The following TAF2 variants were observed in gnomAD, a reference collection of about 807,000 sequenced individuals.
The protein encoded by TAF2 is TATA-box binding protein associated factor 2.
In TAF2, 61 loss-of-function variants were observed where a neutral mutation model predicts 138.5. The observed-to-expected ratio is 0.44, with a 90% CI of 0.36 to 0.54. The LOEUF (loss-of-function observed/expected upper bound fraction) is 0.54, where lower values mean the gene tolerates loss of function less well. TAF2 is among the 20% of genes least tolerant of loss of function. The probability of loss-of-function intolerance (pLI) is 0.00; values close to 1 mark genes in which losing one functional copy is unlikely to be tolerated. For synonymous variants in TAF2, 475 were observed against 469.9 expected (o/e 1.01, Z -0.14); for missense variants, 1,090 against 1,427.9 (o/e 0.76, Z 3.81).
chr8:119,781,465 G>A (rs992023049), intron 16 of TAF2, among the ~76,000 whole-genome samples: 3 of 152,078 alleles, frequency 2.0e-5, no homozygotes. Flanking sequence ...ATCACCTGAG[G>A]TCAGGAGTTC....
intron 9 of TAF2, 26 bp from the exon 10 acceptor site, chr8:119,793,477 C>A: frequency 6.4e-7 from 1 of 1,566,142 alleles, no homozygotes; most frequent in South Asian, 1.1e-5. Flanking sequence ...AAATAGGAGT[C>A]AGTAAAATTT....
At chr8:119,754,061 T>A (rs1200296149) in intron 22 of TAF2, among the ~76,000 whole-genome samples, 1 of 152,024 alleles carries the variant, frequency 6.6e-6, no homozygotes, top group African/African-American at 2.4e-5. Context: ...AGAAAAAAAA[T>A]TAGCAATATT....
intron 2 of TAF2, among the ~76,000 whole-genome samples, chr8:119,821,380 G>A (rs1306520496): frequency 6.6e-6 from 1 of 152,136 alleles, no homozygotes; most frequent in Non-Finnish European, 1.5e-5. Flanking sequence ...TTTCCCCTGT[G>A]CTTTTCAACC....
At chr8:119,822,748 C>T (rs1825871024) in intron 2 of TAF2, among the ~76,000 whole-genome samples, 1 of 152,150 alleles carries the variant, frequency 6.6e-6, no homozygotes, top group Admixed American at 6.5e-5. Context: ...AATGCCTCTC[C>T]TCACCCCTCT....
intron 18 of TAF2, among the ~76,000 whole-genome samples, chr8:119,763,114 GGAA>G (rs1475648928): frequency 1.3e-5 from 2 of 152,128 alleles, no homozygotes; most frequent in Non-Finnish European, 2.9e-5. Context: ...CCAAGAGACT[GGAA>G]GAAGACTATC....
chr8:119,760,441 A>T, intron 20 of TAF2, 158 bp downstream of exon 20: 1 of 827,040 alleles, frequency 1.2e-6, no homozygotes, highest in Non-Finnish European at 1.8e-6. Context: ...TCTTATGTGA[A>T]TTCTACATTT....
At position 119,819,419 on chromosome 8, in the gene TAF2, T is replaced by C. The variant is rs752108413; in HGVS notation, c.226A>G (p.Arg76Gly). The change falls in exon 3 of 26, where the codon AGG becomes GGG. Residue 76 changes from arginine to glycine, a missense_variant. Around this residue, in one of 3 missense-constraint regions of TAF2, gnomAD observed 504 missense variants for 680.9 expected, o/e 0.74. Coordinates refer to ENST00000378164, the MANE Select transcript of TAF2 (RefSeq NM_003184.4). Reference protein sequence around the residue: ...NSKQCRIYRVRINDLEAAFIY... With the variant: ...NSKQCRIYRVGINDLEAAFIY... ...AAAGCAGCCTCTAAATCATTGATCC[T>C]TACTCGGTATATTCTACACTGTTTG... The C allele has an allele frequency of 2.5e-6, 4 of 1,612,766 alleles. No homozygotes were observed. Among genetic ancestry groups the C allele is most frequent in the Non-Finnish European group, 2.5e-6 (3 of 1,179,586 alleles).
intron 22 of TAF2, among the ~76,000 whole-genome samples, chr8:119,748,010 G>A (rs924300587): frequency 2.0e-5 from 3 of 152,058 alleles, no homozygotes; most frequent in African/African-American, 7.2e-5. Flanking sequence ...TGTAATCCCA[G>A]CTACTTGGCT....
rs114451859 is a variant in TAF2, at chr8:119,748,609, G to A, written c.2879-1675C>T. Reference sequence around the variant, plus strand: ...ATAGTAAAAGCAAGAATTTTACACTGGAAACCCATTTTCCCTTCCTGGAAT... The same window carrying A: ...ATAGTAAAAGCAAGAATTTTACACTAGAAACCCATTTTCCCTTCCTGGAAT... On this transcript the variant is annotated intron_variant, in intron 22 of 25. Transcript: ENST00000378164. Among the ~76,000 whole-genome samples, 1,390 of 152,128 alleles carry A rather than the reference G, an allele frequency of 9.1e-3. 20 individuals carry two copies. The highest frequency in any genetic ancestry group is 0.032 in the African/African-American group (1,325 of 41,490).
At chr8:119,768,925 C>T (rs866939471) in intron 18 of TAF2, among the ~76,000 whole-genome samples, 15 of 152,232 alleles carry the variant, frequency 9.9e-5, no homozygotes, top group African/African-American at 3.1e-4. Flanking sequence ...TGGAGACAGA[C>T]GACAGTGTGC....
At chr8:119,783,227 C>A (rs559468034) in intron 16 of TAF2, among the ~76,000 whole-genome samples, 154 bp downstream of exon 16, 28 of 152,210 alleles carry the variant, frequency 1.8e-4, no homozygotes, top group Non-Finnish European at 3.1e-4. Context: ...ATGTTTCTTT[C>A]AAAACAGTCC....
intron 3 of TAF2, among the ~76,000 whole-genome samples, chr8:119,815,079 C>T (rs1825363575): frequency 6.6e-6 from 1 of 150,634 alleles, no homozygotes; most frequent in Non-Finnish European, 1.5e-5. Flanking sequence ...GTCATGAGTT[C>T]GAGACTAACC....
In TAF2 at chr8:119,745,093, A is replaced by G. The variant is rs1819866241; in HGVS notation, c.3109-700T>C. On this transcript the variant is annotated intron_variant, in intron 23 of 25. Coordinates refer to ENST00000378164, the MANE Select transcript of TAF2 (RefSeq NM_003184.4). ...TCTGAAGACGAGTAGCTCATATTAT[A>G]GCTGAAAACTAATAGCTATAGCAAC... 8.8e-6 allele frequency: 4 copies of G among 452,906 alleles called. No individual in the cohort carries two copies. The Admixed American group carries it at 9.4e-5, about 11-fold the overall frequency. 28.1% of individuals were successfully genotyped at this position (452,906 alleles called of 1,614,324 possible).
chr8:119,766,636 A>C (rs1487880364), intron 18 of TAF2, among the ~76,000 whole-genome samples: 1 of 151,616 alleles, frequency 6.6e-6, no homozygotes, highest in Non-Finnish European at 1.5e-5. Context: ...CTAAACATAC[A>C]AAAATTAGCT....
At chr8:119,741,705 A>G (rs1819611100) in intron 25 of TAF2, among the ~76,000 whole-genome samples, 1 of 152,244 alleles carries the variant, frequency 6.6e-6, no homozygotes, top group South Asian at 2.1e-4. Context: ...AGATAAAAAC[A>G]TAATTTATAT....
rs920987985 is a variant in TAF2, at chr8:119,832,826, C to A, written c.-262G>T. ...GCTCGAAGCTACCATCCGCCGACAT[C>A]TTGTCTGTAACCTCTGACCTCCGAC... On this transcript the variant is annotated 5_prime_UTR_variant, in exon 1 of 26. Coordinates refer to ENST00000378164, the MANE Select transcript of TAF2 (RefSeq NM_003184.4). 6.7e-6 allele frequency: 3 copies of A among 450,956 alleles called. No homozygotes were observed. The highest frequency in any genetic ancestry group is 1.2e-5 in the Non-Finnish European group (3 of 253,010). 27.9% of individuals were successfully genotyped at this position (450,956 alleles called of 1,614,324 possible).
Position 119,803,862 on chromosome 8 carries a change from A to C in TAF2, c.560+16T>G. On this transcript the variant is annotated intron_variant, in intron 5 of 25. Coordinates refer to ENST00000378164, the MANE Select transcript of TAF2 (RefSeq NM_003184.4). ...ATTTAAAAATTAATTGAAATATTTA[A>C]GAATCTATAATCTACCTTGTAGAAT... is the stretch of plus-strand genomic sequence containing the variant. 1.9e-6 allele frequency: 3 copies of C among 1,599,386 alleles called. No individual in the cohort carries two copies. Among genetic ancestry groups the C allele is most frequent in the Non-Finnish European group, 2.6e-6 (3 of 1,173,790 alleles).
chr8:119,766,248 C>G (rs1053392370), intron 18 of TAF2, among the ~76,000 whole-genome samples: 2 of 152,150 alleles, frequency 1.3e-5, no homozygotes, highest in African/African-American at 4.8e-5. Flanking sequence ...GTCAGACTTT[C>G]TGGCAATGTC....
intron 18 of TAF2, among the ~76,000 whole-genome samples, chr8:119,771,981 C>A (rs1821873117): frequency 6.6e-6 from 1 of 152,042 alleles, no homozygotes; most frequent in Non-Finnish European, 1.5e-5. Context: ...TCAAAAATAT[C>A]AAGTATCTTC....
Sources: allele counts gnomAD v4.1 joint callset (sites outside exome capture counted in the v4.1 genomes callset), GRCh38; gene constraint gnomAD v4.1.1; regional missense constraint gnomAD v4.1.1; transcripts MANE v1.5; gene names NCBI Gene and HGNC (gene_info 2026-07-23, HGNC 2026-07-21).